The following SEMA6D variants were observed in gnomAD, a reference collection of about 807,000 sequenced individuals.
The protein encoded by SEMA6D is semaphorin-6D.
Under a neutral mutation model 106.6 loss-of-function variants are expected in SEMA6D, and 35 were observed. The ratio of observed to expected loss-of-function variants is 0.33; its 90% confidence interval spans 0.25 to 0.44. The LOEUF (loss-of-function observed/expected upper bound fraction) is 0.44. Among genes scored for constraint, SEMA6D ranks in the 20% least tolerant of loss-of-function variants. The pLI is 1.00. For missense variants in SEMA6D, 1,185 were observed against 1,345.9 expected (o/e 0.88, Z 1.87); for synonymous variants, 499 against 487.7 (o/e 1.02, Z -0.31).
chr15:47,520,693 C>T (rs186551207), intron 3 of SEMA6D, among the ~76,000 whole-genome samples: 1 of 152,024 alleles, frequency 6.6e-6, no homozygotes. Context: ...GAGCCATGAG[C>T]GAATGGTGTG....
chr15:47,386,719 C>A (rs1384538921), intron 1 of SEMA6D, among the ~76,000 whole-genome samples: 1 of 152,140 alleles, frequency 6.6e-6, no homozygotes, highest in Non-Finnish European at 1.5e-5. Flanking sequence ...TTTCAGAGGG[C>A]AATAGCTGGA....
intron 4 of SEMA6D, among the ~76,000 whole-genome samples, chr15:47,636,677 C>T (rs1162145410): frequency 1.3e-5 from 2 of 152,192 alleles, no homozygotes; most frequent in African/African-American, 4.8e-5. Context: ...CTCCTTTACC[C>T]CAGGGCAGCT....
intron 1 of SEMA6D, among the ~76,000 whole-genome samples, chr15:47,411,914 G>A (rs1164666796): frequency 7.0e-6 from 1 of 143,098 alleles, no homozygotes; most frequent in East Asian, 2.1e-4. Flanking sequence ...GGTTATCCTT[G>A]TCCACTGTGA....
At chr15:47,478,676 A>G (rs1002530907) in intron 3 of SEMA6D, among the ~76,000 whole-genome samples, 13 of 152,194 alleles carry the variant, frequency 8.5e-5, no homozygotes, top group Admixed American at 6.5e-4. Flanking sequence ...AACTTTAGCA[A>G]GGATTGACTG....
chr15:47,255,696 A>G (rs543624968), intron 1 of SEMA6D, among the ~76,000 whole-genome samples: 1 of 152,182 alleles, frequency 6.6e-6, no homozygotes, highest in Non-Finnish European at 1.5e-5. Flanking sequence ...TTATCAAAAT[A>G]GTTTTTAATT....
At chr15:47,477,570 A>C (rs1186730912) in intron 3 of SEMA6D, among the ~76,000 whole-genome samples, 3 of 152,232 alleles carry the variant, frequency 2.0e-5, no homozygotes, top group Admixed American at 2.0e-4. Flanking sequence ...CTGTCATCAT[A>C]AATAAATTTG....
intron 3 of SEMA6D, among the ~76,000 whole-genome samples, chr15:47,512,184 G>A (rs1026272373): frequency 6.6e-6 from 1 of 152,182 alleles, no homozygotes; most frequent in African/African-American, 2.4e-5. Context: ...GCAGTGGTTA[G>A]CATCAGGTTT....
intron 2 of SEMA6D, among the ~76,000 whole-genome samples, chr15:47,429,877 T>C (rs2041466457): frequency 6.6e-6 from 1 of 152,152 alleles, no homozygotes; most frequent in Non-Finnish European, 1.5e-5. Context: ...GGGACCTCAG[T>C]AGCAACTGAG....
chr15:47,636,126 A>G (rs1011540575), intron 4 of SEMA6D, among the ~76,000 whole-genome samples: 2 of 152,326 alleles, frequency 1.3e-5, no homozygotes, highest in East Asian at 3.9e-4. Flanking sequence ...GTAACAAAAA[A>G]TATTTTAGGG....
intron 1 of SEMA6D, chr15:47,397,663 A>G (rs1171715257): frequency 6.6e-6 from 1 of 152,164 alleles, no homozygotes; most frequent in Admixed American, 6.6e-5. Flanking sequence ...CCTGTTTTCC[A>G]TGCTTTCTGT....
chr15:47,750,572 C>T (rs1457902012), intron 1 of SEMA6D, among the ~76,000 whole-genome samples: 1 of 152,200 alleles, frequency 6.6e-6, no homozygotes, highest in Non-Finnish European at 1.5e-5. Context: ...CTTCCTTGCT[C>T]CTTCAGAATG....
chr15:47,228,471 ATGTT>A (rs3050475), intron 1 of SEMA6D, among the ~76,000 whole-genome samples: 1 of 151,496 alleles, frequency 6.6e-6, no homozygotes, highest in Admixed American at 6.6e-5. Flanking sequence ...GCCTTGGTAA[ATGTT>A]TGTTTATCTC....
intron 3 of SEMA6D, among the ~76,000 whole-genome samples, chr15:47,477,230 G>A (rs1322583676): frequency 6.6e-6 from 1 of 152,140 alleles, no homozygotes; most frequent in Non-Finnish European, 1.5e-5. Context: ...GCTGGAGTCT[G>A]CATGTAAATT....
At chr15:47,632,028 C>CT (rs950877430) in intron 4 of SEMA6D, among the ~76,000 whole-genome samples, 15 of 151,916 alleles carry the variant, frequency 9.9e-5, no homozygotes, top group African/African-American at 3.6e-4. Flanking sequence ...TCCTTTGAGA[C>CT]TTTCACTTTG....
chr15:47,596,060 A>C (rs2076530806), intron 3 of SEMA6D, among the ~76,000 whole-genome samples: 1 of 152,128 alleles, frequency 6.6e-6, no homozygotes, highest in African/African-American at 2.4e-5. Flanking sequence ...CCTATCAAAA[A>C]AACCATTAGA....
At chr15:47,509,730 C>A (rs970369084) in intron 3 of SEMA6D, among the ~76,000 whole-genome samples, 1 of 152,166 alleles carries the variant, frequency 6.6e-6, no homozygotes, top group African/African-American at 2.4e-5. Flanking sequence ...TATTTCAGGC[C>A]TATCTGTCGC....
At chr15:47,468,015 A>T (rs74011462) in intron 2 of SEMA6D, among the ~76,000 whole-genome samples, 2,501 of 152,274 alleles carry the variant, frequency 0.016, 78 homozygotes, top group African/African-American at 0.058. Context: ...TTGGTGAAGC[A>T]TAGGCCAATA....
chr15:47,204,498 T>G (rs535790647), intron 1 of SEMA6D, among the ~76,000 whole-genome samples: 2 of 152,258 alleles, frequency 1.3e-5, no homozygotes, highest in South Asian at 4.1e-4. Context: ...AACGACCATG[T>G]TTAATCACCT....
chr15:47,610,044 G>T (rs184212721), intron 4 of SEMA6D, among the ~76,000 whole-genome samples: 1 of 152,340 alleles, frequency 6.6e-6, no homozygotes, highest in Non-Finnish European at 1.5e-5. Flanking sequence ...CCAGCAGCCT[G>T]CAATAGAGTG....
Sources: gnomAD v4.1 joint callset for allele counts (sites outside exome capture counted in the v4.1 genomes callset) on GRCh38, gnomAD v4.1.1 for gene constraint, MANE v1.5 for transcripts, NCBI Gene and HGNC (gene_info 2026-07-23, HGNC 2026-07-21) for gene names.